The following PKHD1 variants were observed in gnomAD, a reference collection of about 807,000 sequenced individuals.
PKHD1 encodes fibrocystin.
PKHD1 carries 291 observed loss-of-function variants against 412.0 expected under a neutral mutation model. The ratio of observed to expected loss-of-function variants is 0.71; its 90% CI spans 0.64 to 0.78. The LOEUF is 0.78. Among genes scored for constraint, PKHD1 ranks in the 30% least tolerant of loss-of-function variants. The probability of loss-of-function intolerance (pLI) is 0.00; values close to 1 mark genes in which losing one functional copy is unlikely to be tolerated. For synonymous variants in PKHD1, 1,777 were observed against 1,821.5 expected, an observed-to-expected ratio of 0.98 and a Z score of 0.62; for missense variants, 4,825 against 4,950.7, an observed-to-expected ratio of 0.97 and a Z score of 0.76.
chr6:51,732,921 T>C (rs746631407), intron 60 of PKHD1, among the ~76,000 whole-genome samples: 4 of 152,206 alleles, frequency 2.6e-5, no homozygotes, highest in South Asian at 2.1e-4. Flanking sequence ...AAGCAAAATG[T>C]GGTAAGTTCA....
intron 46 of PKHD1, among the ~76,000 whole-genome samples, chr6:51,873,484 T>A (rs1478827028): frequency 6.6e-6 from 1 of 152,236 alleles, no homozygotes; most frequent in Non-Finnish European, 1.5e-5. Context: ...TCTGGCAATG[T>A]TCTATTTCTT....
At chr6:51,999,962 T>C (rs1166094347) in intron 35 of PKHD1, among the ~76,000 whole-genome samples, 1 of 152,152 alleles carries the variant, frequency 6.6e-6, no homozygotes, top group Non-Finnish European at 1.5e-5. Context: ...AGACCCTTCA[T>C]ACCTGGGAAA....
chr6:51,888,005 T>C (rs1778482314), intron 43 of PKHD1, among the ~76,000 whole-genome samples: 1 of 152,208 alleles, frequency 6.6e-6, no homozygotes, highest in South Asian at 2.1e-4. Context: ...CAACAGTATA[T>C]GGTAGCTCTC....
intron 60 of PKHD1, among the ~76,000 whole-genome samples, chr6:51,662,219 T>C (rs967208862): frequency 1.3e-5 from 2 of 151,956 alleles, no homozygotes; most frequent in African/African-American, 4.8e-5. Context: ...ATGTCCTATA[T>C]GGTACTACCT....
intron 36 of PKHD1, among the ~76,000 whole-genome samples, chr6:51,954,402 A>AT (rs1367504910): frequency 6.6e-6 from 1 of 152,082 alleles, no homozygotes; most frequent in African/African-American, 2.4e-5. Context: ...TGGAGCCCAG[A>AT]TTCAGGCTCA....
chr6:51,821,317 G>C (rs1283245498), intron 52 of PKHD1, among the ~76,000 whole-genome samples: 1 of 152,170 alleles, frequency 6.6e-6, no homozygotes, highest in Non-Finnish European at 1.5e-5. Flanking sequence ...AATCATTCTG[G>C]TTTGCCTCAG....
intron 21 of PKHD1, among the ~76,000 whole-genome samples, chr6:52,052,113 T>C (rs1438973965): frequency 6.6e-6 from 1 of 152,192 alleles, no homozygotes; most frequent in Non-Finnish European, 1.5e-5. Flanking sequence ...AAGTTGTACA[T>C]TTTCTAAATC....
At chr6:51,763,858 A>ATATTTAGAT (rs1187535102) in intron 55 of PKHD1, among the ~76,000 whole-genome samples, 2 of 152,064 alleles carry the variant, frequency 1.3e-5, no homozygotes, top group Non-Finnish European at 2.9e-5. Context: ...TAGATGTACA[A>ATATTTAGAT]GTATGATAAT....
chr6:51,771,219 CACACAT>C (rs961276802), intron 55 of PKHD1, among the ~76,000 whole-genome samples: 26 of 151,610 alleles, frequency 1.7e-4, no homozygotes, highest in Admixed American at 1.6e-3. Flanking sequence ...CACACACACA[CACACAT>C]GCACATAACC....
chr6:51,755,155 A>T (rs1786758743), intron 55 of PKHD1, among the ~76,000 whole-genome samples: 1 of 152,192 alleles, frequency 6.6e-6, no homozygotes, highest in Admixed American at 6.5e-5. Context: ...TGTTACAGAG[A>T]CAGTGAAGAT....
intron 60 of PKHD1, chr6:51,741,019 A>G: frequency 2.0e-6 from 1 of 500,324 alleles, no homozygotes; most frequent in Non-Finnish European, 4.0e-6. Flanking sequence ...ATGCTTGTCC[A>G]CACACTGATA....
chr6:51,891,812 G>A (rs759985329), intron 43 of PKHD1, among the ~76,000 whole-genome samples: 5 of 151,356 alleles, frequency 3.3e-5, no homozygotes, highest in South Asian at 2.1e-4. Context: ...ACCCAATAAC[G>A]CCCAATTCCC....
At chr6:51,815,380 G>A (rs915571729) in intron 52 of PKHD1, among the ~76,000 whole-genome samples, 1 of 152,068 alleles carries the variant, frequency 6.6e-6, no homozygotes, top group African/African-American at 2.4e-5. Flanking sequence ...AATCAAATGA[G>A]GATTCGGGGA....
chr6:51,906,246 G>A lies in PKHD1; in HGVS notation c.6777C>T (p.Phe2259=), dbSNP rs140065359. The A allele has an allele frequency of 4.9e-3, 7,848 of 1,611,740 alleles. 37 individuals are homozygous for A. Among genetic ancestry groups the A allele is most frequent in the Non-Finnish European group, 5.4e-3 (6,377 of 1,178,102 alleles). The change falls in exon 41 of 67, where the codon TTC becomes TTT. Residue 2259 remains phenylalanine, a synonymous_variant. Transcript: ENST00000371117. ...TLGLKVDSNV[F]YNILGHALLV... ...GCAGCGCATGACCTAAAATATTGTA[G>A]AATACATTACTGTCCACCTTCAGGC...
chr6:51,779,013 T>G (rs1377134914), intron 53 of PKHD1, among the ~76,000 whole-genome samples: 1 of 152,116 alleles, frequency 6.6e-6, no homozygotes, highest in South Asian at 2.1e-4. Context: ...ATGTCCCCTT[T>G]TGTGTGTAAA....
At chr6:51,637,546 A>C (rs1768737869) in intron 64 of PKHD1, among the ~76,000 whole-genome samples, 1 of 152,144 alleles carries the variant, frequency 6.6e-6, no homozygotes, top group Admixed American at 6.5e-5. Context: ...TTTAAGAGAT[A>C]ATGATCATAT....
intron 60 of PKHD1, among the ~76,000 whole-genome samples, chr6:51,684,647 C>A (rs1214904833): frequency 6.6e-6 from 1 of 152,036 alleles, no homozygotes. Context: ...CTAGATATTC[C>A]CCCACTTGAT....
At chr6:51,651,592 T>A (rs1277985663) in intron 61 of PKHD1, among the ~76,000 whole-genome samples, 1 of 152,114 alleles carries the variant, frequency 6.6e-6, no homozygotes. Context: ...GAGTCACTCA[T>A]CCACTTTCCT....
intron 35 of PKHD1, among the ~76,000 whole-genome samples, chr6:52,009,683 G>A (rs1488019491): frequency 4.6e-5 from 7 of 152,038 alleles, no homozygotes; most frequent in African/African-American, 7.2e-5. Flanking sequence ...GCAAATTCCC[G>A]GGGAAGGCTG....
Sources: gnomAD v4.1 joint callset for allele counts (sites outside exome capture counted in the v4.1 genomes callset) on GRCh38, gnomAD v4.1.1 for gene constraint, MANE v1.5 for transcripts, NCBI Gene and HGNC (gene_info 2026-07-23, HGNC 2026-07-21) for gene names.